FRMD4A: variants seen among roughly 807,000 people sequenced by gnomAD.
FRMD4A encodes FERM domain containing 4A.
FRMD4A carries 29 observed loss-of-function variants against 129.1 expected under a neutral mutation model. The observed-to-expected ratio is 0.22, with a 90% CI of 0.17 to 0.31. The LOEUF (loss-of-function observed/expected upper bound fraction) is 0.31, where lower values mean the gene tolerates loss of function less well. Among genes scored for constraint, FRMD4A ranks in the 10% least tolerant of loss-of-function variants. FRMD4A has a pLI of 1.00. For missense variants in FRMD4A, 1,272 were observed against 1,375.8 expected (o/e 0.92, Z 1.19); for synonymous variants, 634 against 571.6 (o/e 1.11, Z -1.56).
rs61670615 is a variant in FRMD4A at position 13,689,198 on chromosome 10, CG to C, written c.1117+4699del. On this transcript the variant is annotated intron_variant, in intron 15 of 24. Transcript: ENST00000357447. ...CAATGAGCAGTACACAAACTCTTTG[CG>C]GGGGGGGGGGGGGGGGGGGGGAGGG... Among the ~76,000 whole-genome samples the C allele has an allele frequency of 3.7e-4, 25 of 68,064 alleles. No individual in the cohort carries two copies. In the South Asian group the frequency reaches 9.0e-3, roughly 25 times the overall value. The allele number at this position is 68,064 out of a possible 152,430, so 44.7% of individuals were successfully genotyped here. A position where few individuals can be genotyped will look rare whatever the true frequency, so the allele number is the denominator to read the frequency against.
chr10:14,260,456 G>A (rs1278331132), intron 2 of FRMD4A, among the ~76,000 whole-genome samples: 5 of 152,152 alleles, frequency 3.3e-5, no homozygotes, highest in South Asian at 2.1e-4. Context: ...ATGTCCTCTC[G>A]GGCTCAGGGT....
At chr10:14,053,268 C>A (rs955659976) in intron 2 of FRMD4A, among the ~76,000 whole-genome samples, 16 of 152,140 alleles carry the variant, frequency 1.1e-4, no homozygotes, top group Non-Finnish European at 1.9e-4. Flanking sequence ...TGGCACTGAT[C>A]CCTGATGGTG....
chr10:13,971,123 C>T (rs900304787), intron 2 of FRMD4A, among the ~76,000 whole-genome samples: 1 of 152,178 alleles, frequency 6.6e-6, no homozygotes, highest in Non-Finnish European at 1.5e-5. Context: ...CACATGCACA[C>T]ACGCACGCAC....
intron 2 of FRMD4A, among the ~76,000 whole-genome samples, chr10:14,056,321 C>T (rs997470332): frequency 5.3e-5 from 8 of 152,032 alleles, no homozygotes; most frequent in South Asian, 2.1e-4. Context: ...CGTGAGCCAC[C>T]GGACCTGATC....
At position 13,778,623 on chromosome 10, in the gene FRMD4A, T is replaced by TGTGTGTGTGTGTGTG. The variant is rs1240640403; in HGVS notation, c.384+4298_384+4299insCACACACACACACAC. 1.2e-4 allele frequency among the ~76,000 whole-genome samples: 16 copies of TGTGTGTGTGTGTGTG among 138,608 alleles called. No individual in the cohort carries two copies. The South Asian group carries it at 1.6e-3, about 14-fold the overall frequency. The allele number at this position is 138,608 out of a possible 152,430, so 90.9% of individuals were successfully genotyped here. The stretch of plus-strand genomic sequence containing the variant: ...CGTGTGTGTGTGTGTGTGTGTGTGT[T>TGTGTGTGTGTGTGTG]TGTGTGTGTGTTAAGGTTTAATGGG... On this transcript the variant is annotated intron_variant, in intron 6 of 24. Coordinates refer to ENST00000357447, the MANE Select transcript of FRMD4A (RefSeq NM_018027.5).
intron 2 of FRMD4A, among the ~76,000 whole-genome samples, chr10:13,941,280 T>C (rs1468419192): frequency 6.6e-6 from 1 of 152,176 alleles, no homozygotes; most frequent in Non-Finnish European, 1.5e-5. Flanking sequence ...CCCCTTTTGC[T>C]TGGCTCCCAT....
chr10:13,666,011 G>C (rs578086366), intron 18 of FRMD4A, 86 bp downstream of exon 18: 6 of 780,314 alleles, frequency 7.7e-6, no homozygotes, highest in Non-Finnish European at 9.1e-6. Flanking sequence ...TGCTCAGGTC[G>C]TGCAGGGACC....
At chr10:14,128,739 A>T (rs1839066027) in intron 2 of FRMD4A, among the ~76,000 whole-genome samples, 1 of 152,216 alleles carries the variant, frequency 6.6e-6, no homozygotes, top group South Asian at 2.1e-4. Flanking sequence ...CACCACATGC[A>T]TATTAAATAC....
chr10:13,872,509 C>T (rs1205497224), intron 2 of FRMD4A, among the ~76,000 whole-genome samples: 4 of 152,366 alleles, frequency 2.6e-5, no homozygotes, highest in South Asian at 4.1e-4. Context: ...TACCCATGCA[C>T]GATGTGTGGG....
At chr10:13,652,366 GTTGACAGCCAA>G (rs2134493842) in intron 23 of FRMD4A, 1 of 216,648 alleles carries the variant, frequency 4.6e-6, no homozygotes, top group South Asian at 9.0e-5. Context: ...TTCGGAGCCT[GTTGACAGCCAA>G]ATAATACAAT....
At chr10:13,690,758 T>C (rs987162281) in intron 15 of FRMD4A, among the ~76,000 whole-genome samples, 1 of 152,226 alleles carries the variant, frequency 6.6e-6, no homozygotes, top group Non-Finnish European at 1.5e-5. Context: ...CTGCTACTAC[T>C]AACTCCTAAT....
chr10:13,824,762 G>A (rs1015002684), intron 3 of FRMD4A, among the ~76,000 whole-genome samples: 3 of 151,848 alleles, frequency 2.0e-5, no homozygotes, highest in Non-Finnish European at 2.9e-5. Flanking sequence ...GGGCCTGGTG[G>A]TGCATGCCTG....
At chr10:13,965,124 G>C (rs1487813734) in intron 2 of FRMD4A, among the ~76,000 whole-genome samples, 1 of 147,102 alleles carries the variant, frequency 6.8e-6, no homozygotes, top group Non-Finnish European at 1.5e-5. Context: ...TATTCAGTTT[G>C]GGAGAGAGGA....
chr10:13,966,771 A>G (rs2095487733), intron 2 of FRMD4A, among the ~76,000 whole-genome samples: 1 of 152,268 alleles, frequency 6.6e-6, no homozygotes. Context: ...ATACACTTGC[A>G]CACGCATGTT....
At chr10:13,939,031 C>T (rs919707114) in intron 2 of FRMD4A, among the ~76,000 whole-genome samples, 1 of 152,214 alleles carries the variant, frequency 6.6e-6, no homozygotes, top group Non-Finnish European at 1.5e-5. Flanking sequence ...CCTCCCCACC[C>T]TCCAGCAGAG....
intron 2 of FRMD4A, among the ~76,000 whole-genome samples, chr10:13,884,178 A>ACTCACACACACTCACACACACT (rs1564971293): frequency 9.9e-6 from 1 of 101,102 alleles, no homozygotes. Context: ...TCACACACTC[A>ACTCACACACACTCACACACACT]CACACACACA....
intron 12 of FRMD4A, among the ~76,000 whole-genome samples, chr10:13,729,132 C>CGCCCAAGGCCAGGATCTGTCACCCACAG: frequency 6.6e-6 from 1 of 151,784 alleles, no homozygotes; most frequent in South Asian, 2.1e-4. Flanking sequence ...GGTCTCTAGA[C>CGCCCAAGGCCAGGATCTGTCACCCACAG]GCATGGAAAG....
intron 2 of FRMD4A, among the ~76,000 whole-genome samples, chr10:14,316,508 C>CAAAAAAA (rs760301974): frequency 5.5e-5 from 6 of 109,828 alleles, no homozygotes; most frequent in Non-Finnish European, 7.5e-5. Context: ...GTGATAGCAG[C>CAAAAAAA]AAAAAAAAAA....
chr10:13,918,330 C>T (rs974231465), intron 2 of FRMD4A, among the ~76,000 whole-genome samples: 2 of 152,172 alleles, frequency 1.3e-5, no homozygotes, highest in Non-Finnish European at 2.9e-5. Flanking sequence ...TGACCCCCAT[C>T]TTAGCCCCCA....
Sources: allele counts gnomAD v4.1 joint callset (sites outside exome capture counted in the v4.1 genomes callset), GRCh38; gene constraint gnomAD v4.1.1; transcripts MANE v1.5; gene names NCBI Gene and HGNC (gene_info 2026-07-23, HGNC 2026-07-21).